The following DAB1 variants were observed in gnomAD, a reference collection of about 807,000 sequenced individuals.
DAB1 encodes disabled homolog 1.
Under a neutral mutation model 64.6 loss-of-function variants are expected in DAB1, and 15 were observed. That is an observed-to-expected ratio of 0.23 (90% confidence interval 0.16 to 0.36). The LOEUF is 0.36. DAB1 is among the 10% of genes least tolerant of loss of function. DAB1 has a pLI of 1.00. For missense variants in DAB1, 596 were observed against 706.7 expected, an observed-to-expected ratio of 0.84 and a Z score of 1.78; for synonymous variants, 235 against 251.9, an observed-to-expected ratio of 0.93 and a Z score of 0.64.
intron 4 of DAB1, among the ~76,000 whole-genome samples, chr1:58,300,472 G>C (rs1662097191): frequency 6.6e-6 from 1 of 150,746 alleles, no homozygotes; most frequent in Non-Finnish European, 1.5e-5. Context: ...GCTTGAACCT[G>C]GGAGGCAGAG....
At chr1:57,758,413 G>A (rs1175671415) in intron 6 of DAB1, among the ~76,000 whole-genome samples, 1 of 152,198 alleles carries the variant, frequency 6.6e-6, no homozygotes, top group African/African-American at 2.4e-5. Flanking sequence ...AAAAGAAGTA[G>A]TGAAGATAGA....
intron 6 of DAB1, among the ~76,000 whole-genome samples, chr1:57,655,291 A>T (rs1646304031): frequency 1.3e-5 from 2 of 151,974 alleles, no homozygotes; most frequent in African/African-American, 4.8e-5. Context: ...CCAACCACTC[A>T]TCATACATCC....
At chr1:58,233,500 G>A (rs151195229) in intron 4 of DAB1, among the ~76,000 whole-genome samples, 123 of 152,318 alleles carry the variant, frequency 8.1e-4, no homozygotes, top group Middle Eastern at 3.4e-3. Flanking sequence ...CCTGCAGTGC[G>A]AGGAGCTGGT....
intron 9 of DAB1, among the ~76,000 whole-genome samples, chr1:57,043,019 GA>G (rs3835680): frequency 0.033 from 5,083 of 152,188 alleles, 155 homozygotes; most frequent in East Asian, 0.17. Flanking sequence ...AGAAGTTCCA[GA>G]AAAAGTTATA....
At chr1:58,056,597 A>G (rs1648125260) in intron 5 of DAB1, 1 of 687,850 alleles carries the variant, frequency 1.5e-6, no homozygotes, top group Admixed American at 2.0e-5. Context: ...CTTCTCATCA[A>G]TGCCCCAGTG....
At chr1:58,067,181 A>C (rs1648906242) in intron 5 of DAB1, among the ~76,000 whole-genome samples, 1 of 152,242 alleles carries the variant, frequency 6.6e-6, no homozygotes, top group African/African-American at 2.4e-5. Flanking sequence ...AGTGACTAAA[A>C]TCACAAATTA....
intron 2 of DAB1, among the ~76,000 whole-genome samples, chr1:57,158,341 G>A (rs1327834797): frequency 6.6e-6 from 1 of 152,100 alleles, no homozygotes; most frequent in Non-Finnish European, 1.5e-5. Flanking sequence ...GGGAATAAGG[G>A]TGCAATTAAG....
intron 2 of DAB1, among the ~76,000 whole-genome samples, chr1:57,257,038 A>G (rs1669819134): frequency 6.6e-6 from 1 of 152,204 alleles, no homozygotes; most frequent in Admixed American, 6.5e-5. Flanking sequence ...GCTGTCCTAC[A>G]TGAGTTTCCT....
intron 3 of DAB1, among the ~76,000 whole-genome samples, chr1:58,363,819 T>G (rs1180266133): frequency 2.0e-5 from 3 of 152,160 alleles, no homozygotes; most frequent in Non-Finnish European, 1.5e-5. Flanking sequence ...CTCTTGCCCT[T>G]TTATTCTCTT....
intron 8 of DAB1, among the ~76,000 whole-genome samples, chr1:57,065,598 A>G (rs1294084072): frequency 6.6e-6 from 1 of 152,252 alleles, no homozygotes; most frequent in Non-Finnish European, 1.5e-5. Flanking sequence ...ATCGCCAAGC[A>G]TTCAGCCCAT....
chr1:58,473,918 TA>T, intron 3 of DAB1: 3 of 1,163,184 alleles, frequency 2.6e-6, no homozygotes, highest in Non-Finnish European at 3.5e-6. Flanking sequence ...TGTTGAGCGT[TA>T]ACTCTGCAAT....
intron 9 of DAB1, among the ~76,000 whole-genome samples, chr1:57,056,337 A>C (rs1165225832): frequency 6.7e-6 from 1 of 149,106 alleles, no homozygotes; most frequent in African/African-American, 2.5e-5. Flanking sequence ...CATCTTTAAA[A>C]AAAAAAAAAA....
At chr1:57,845,116 T>G (rs1653221953) in intron 1 of DAB1, among the ~76,000 whole-genome samples, 1 of 152,178 alleles carries the variant, frequency 6.6e-6, no homozygotes, top group African/African-American at 2.4e-5. Flanking sequence ...CTCTTCCCAG[T>G]CTCATTCATG....
At chr1:57,563,911 G>A (rs2406070) in intron 7 of DAB1, among the ~76,000 whole-genome samples, 34,011 of 152,108 alleles carry the variant, frequency 0.22, 3,981 homozygotes, top group South Asian at 0.41. Flanking sequence ...AGACTTAAAT[G>A]TCCCTGTCTG....
rs1557427935 is a variant in DAB1 at position 57,695,396 on chromosome 1, GAAAGA to G, written n.552-45736_552-45732del. ...AGAAAGAAAGAAAGAAAGAAAGAAA[GAAAGA>G]AAGAAAGAAAGAAAGAAAGAAAGAA... On this transcript the variant is annotated intron_variant and non_coding_transcript_variant, in intron 6 of 20. Coordinates refer to the DAB1 transcript ENST00000485760. 8.9e-3 allele frequency among the ~76,000 whole-genome samples: 738 copies of G among 83,044 alleles called. 19 individuals carry two copies. Among genetic ancestry groups the G allele is most frequent in the East Asian group, 0.041 (70 of 1,712 alleles). 54.5% of individuals were successfully genotyped at this position (83,044 alleles called of 152,430 possible). A position where few individuals can be genotyped will look rare whatever the true frequency, so the allele number is the denominator to read the frequency against.
intron 3 of DAB1, among the ~76,000 whole-genome samples, chr1:58,409,111 A>G (rs187837576): frequency 6.6e-6 from 1 of 152,350 alleles, no homozygotes; most frequent in Non-Finnish European, 1.5e-5. Context: ...GGTGCTTTAT[A>G]TAAAGTATGT....
intron 4 of DAB1, among the ~76,000 whole-genome samples, chr1:57,109,177 G>T (rs1179927124): frequency 1.3e-5 from 2 of 152,142 alleles, no homozygotes; most frequent in African/African-American, 2.4e-5. Flanking sequence ...GGAGAAGCAG[G>T]TACCCAGCAA....
chr1:57,376,196 C>T (rs2100952386), intron 1 of DAB1, among the ~76,000 whole-genome samples: 1 of 152,336 alleles, frequency 6.6e-6, no homozygotes, highest in East Asian at 1.9e-4. Flanking sequence ...TACTCCAAAA[C>T]ACTGCATTTT....
intron 5 of DAB1, among the ~76,000 whole-genome samples, chr1:58,024,035 T>A (rs1029707802): frequency 2.0e-5 from 3 of 152,050 alleles, no homozygotes; most frequent in Admixed American, 6.6e-5. Context: ...GGCATGAGAG[T>A]TTTTTATTAA....
Sources: gnomAD v4.1 joint callset for allele counts (sites outside exome capture counted in the v4.1 genomes callset) on GRCh38, gnomAD v4.1.1 for gene constraint, MANE v1.5 for transcripts, NCBI Gene and HGNC (gene_info 2026-07-23, HGNC 2026-07-21) for gene names.